The following NCKAP1 variants were observed in gnomAD, a reference collection of about 807,000 sequenced individuals.
NCKAP1 encodes the protein NCK associated protein 1, also known as nck-associated protein 1.
NCKAP1 carries 21 observed loss-of-function variants against 151.2 expected under a neutral mutation model. The observed-to-expected ratio is 0.14, with a 90% CI of 0.10 to 0.20. The LOEUF is 0.20. NCKAP1 is among the 10% of genes least tolerant of loss of function. The pLI is 1.00. For synonymous variants in NCKAP1, 484 were observed against 451.8 expected (o/e 1.07, Z -0.90); for missense variants, 933 against 1,352.1 (o/e 0.69, Z 4.86).
In NCKAP1 at chr2:183,034,739, C is replaced by A. The variant is rs564320934; in HGVS notation, c.108+3253G>T. 2.6e-5 allele frequency among the ~76,000 whole-genome samples: 4 copies of A among 152,220 alleles called. No homozygotes were observed. In the East Asian group the frequency reaches 7.7e-4, roughly 29 times the overall value. On this transcript the variant is annotated intron_variant, in intron 1 of 30. Coordinates refer to ENST00000361354, the MANE Select transcript of NCKAP1 (RefSeq NM_013436.5). ...GTATGTAGGGCAGGCATTATGCTCC[C>A]TACATTACAGAAAACTAAACTGAGT...
At chr2:183,030,970 A>G (rs541680129) in intron 1 of NCKAP1, among the ~76,000 whole-genome samples, 27 of 152,268 alleles carry the variant, frequency 1.8e-4, no homozygotes, top group African/African-American at 6.3e-4. Flanking sequence ...TTTCCCTCTT[A>G]GGTAGGTAAA....
At chr2:182,998,519 T>G (rs1698314876) in intron 6 of NCKAP1, among the ~76,000 whole-genome samples, 1 of 151,892 alleles carries the variant, frequency 6.6e-6, no homozygotes, top group South Asian at 2.1e-4. Flanking sequence ...CTAATAACAT[T>G]CAAGCTGAGG....
Position 182,911,696 on chromosome 2 carries a change from T to C in NCKAP1, c.*14006A>G, listed in dbSNP as rs576130364. 5 of 152,202 alleles carry C rather than the reference T, an allele frequency of 3.3e-5. No individual in the cohort carries two copies. The highest frequency in any genetic ancestry group is 3.3e-4 in the Admixed American group (5 of 15,284). 9.4% of individuals were successfully genotyped at this position (152,202 alleles called of 1,614,324 possible). ...CTGTTTGAGCTTTTATGTTAACACC[T>C]ATACTACTACAATGAGAAAACAGAT... is the stretch of plus-strand genomic sequence containing the variant. On this transcript the variant is annotated 3_prime_UTR_variant, in exon 31 of 31. Transcript: ENST00000361354.
intron 24 of NCKAP1, among the ~76,000 whole-genome samples, chr2:182,938,132 A>G (rs752537005): frequency 6.6e-6 from 1 of 152,220 alleles, no homozygotes; most frequent in Non-Finnish European, 1.5e-5. Context: ...TGGTGCTGTT[A>G]CATGTCCCTG....
Position 182,921,374 on chromosome 2 carries a change from A to G in NCKAP1, c.*4328T>C, listed in dbSNP as rs1050165048. 1 of 152,218 alleles carries G rather than the reference A, an allele frequency of 6.6e-6. No individual in the cohort carries two copies. The highest frequency in any genetic ancestry group is 2.4e-5 in the African/African-American group (1 of 41,456). The allele number at this position is 152,218 out of a possible 1,614,324, so 9.4% of individuals were successfully genotyped here. A position where few individuals can be genotyped will look rare whatever the true frequency, so the allele number is the denominator to read the frequency against. Reference sequence around the variant, plus strand: ...ATAATTTCAAGCCTTAGCCATTGGCATTTGGTCAGTATGTGTATGTAGTGT... The same window carrying G: ...ATAATTTCAAGCCTTAGCCATTGGCGTTTGGTCAGTATGTGTATGTAGTGT... On this transcript the variant is annotated 3_prime_UTR_variant, in exon 31 of 31. Transcript: ENST00000361354.
chr2:182,957,318 G>T, intron 19 of NCKAP1, 139 bp downstream of exon 19: 1 of 976,246 alleles, frequency 1.0e-6, no homozygotes, highest in Non-Finnish European at 1.4e-6. Flanking sequence ...GGTTAATTAA[G>T]CTCAGAAATA....
chr2:183,033,430 T>G (rs1699043286), intron 1 of NCKAP1, among the ~76,000 whole-genome samples: 1 of 152,186 alleles, frequency 6.6e-6, no homozygotes, highest in African/African-American at 2.4e-5. Context: ...CAGATTATAA[T>G]CCTTAATTCC....
At chr2:183,002,732 A>G (rs1460960514) in intron 4 of NCKAP1, among the ~76,000 whole-genome samples, 1 of 152,068 alleles carries the variant, frequency 6.6e-6, no homozygotes, top group African/African-American at 2.4e-5. Context: ...AATTGGGCCT[A>G]TTAAATAAAA....
At chr2:182,944,464 G>A (rs1003638916) in intron 23 of NCKAP1, among the ~76,000 whole-genome samples, 5 of 152,074 alleles carry the variant, frequency 3.3e-5, no homozygotes, top group Non-Finnish European at 7.4e-5. Flanking sequence ...CAGACTGGAA[G>A]GAGAAATGGA....
intron 23 of NCKAP1, among the ~76,000 whole-genome samples, chr2:182,946,343 T>C (rs1361551896): frequency 1.3e-5 from 2 of 151,436 alleles, no homozygotes; most frequent in African/African-American, 2.4e-5. Flanking sequence ...GAGCTTGCAG[T>C]GAGCCGAGAT....
intron 26 of NCKAP1, 56 bp downstream of exon 26, chr2:182,934,696 A>T: frequency 1.1e-6 from 1 of 873,340 alleles, no homozygotes; most frequent in Non-Finnish European, 1.8e-6. Flanking sequence ...TTGCATATGT[A>T]ATTTAAATAT....
chr2:182,921,086 G>A lies in NCKAP1; in HGVS notation c.*4616C>T, dbSNP rs1575006894. The A allele has an allele frequency of 1.3e-5, 2 of 152,054 alleles. No individual in the cohort carries two copies. The highest frequency in any genetic ancestry group is 4.8e-5 in the African/African-American group (2 of 41,380). 9.4% of individuals were successfully genotyped at this position (152,054 alleles called of 1,614,324 possible). On this transcript the variant is annotated 3_prime_UTR_variant, in exon 31 of 31. Transcript: ENST00000361354. ...AAACACTTTTAGTCAGTTACTAATG[G>A]AGAAAAAATAAATATAATTTGGTTG...
intron 6 of NCKAP1, 25 bp downstream of exon 6, chr2:183,001,928 C>T (rs1698381907): frequency 1.9e-6 from 3 of 1,581,238 alleles, no homozygotes; most frequent in Non-Finnish European, 1.7e-6. Context: ...CCCATTCTCT[C>T]ATATGCCTAA....
At chr2:183,034,886 G>A (rs988625612) in intron 1 of NCKAP1, among the ~76,000 whole-genome samples, 1 of 152,068 alleles carries the variant, frequency 6.6e-6, no homozygotes, top group African/African-American at 2.4e-5. Flanking sequence ...TTTTACAGAT[G>A]AGGAAAAGTG....
chr2:182,925,635 G>T lies in NCKAP1; in HGVS notation c.*67C>A. The T allele has an allele frequency of 1.2e-6, 1 of 803,716 alleles. No individual in the cohort carries two copies. Among genetic ancestry groups the T allele is most frequent in the Non-Finnish European group, 1.9e-6 (1 of 529,930 alleles). The allele number at this position is 803,716 out of a possible 1,614,324, so 49.8% of individuals were successfully genotyped here. A position where few individuals can be genotyped will look rare whatever the true frequency, so the allele number is the denominator to read the frequency against. On this transcript the variant is annotated 3_prime_UTR_variant, in exon 31 of 31. Transcript: ENST00000361354. Reference sequence around the variant, plus strand: ...CTTTTTCAGGTCTTAAGGTAAAATAGTTCCACAGTCTACAGGTAAAACCAA... The same window carrying T: ...CTTTTTCAGGTCTTAAGGTAAAATATTTCCACAGTCTACAGGTAAAACCAA...
At chr2:183,020,407 G>A (rs904146682) in intron 2 of NCKAP1, among the ~76,000 whole-genome samples, 1 of 148,544 alleles carries the variant, frequency 6.7e-6, no homozygotes, top group African/African-American at 2.5e-5. Context: ...GGAGGTTGTA[G>A]TGGGCTGAGA....
intron 2 of NCKAP1, among the ~76,000 whole-genome samples, chr2:183,013,362 C>T (rs1012349839): frequency 1.3e-5 from 2 of 152,146 alleles, no homozygotes; most frequent in African/African-American, 2.4e-5. Context: ...ACTGCACTAC[C>T]CCAAACCTAT....
Position 183,038,143 on chromosome 2 carries a change from G to A in NCKAP1, c.-44C>T. ...GCCGCCGCCGGCCGCCTCGCGCCCA[G>A]TCACGGGCCCGCGGCCTTCGCAGCA... On this transcript the variant is annotated 5_prime_UTR_variant, in exon 1 of 31. Coordinates refer to ENST00000361354, the MANE Select transcript of NCKAP1 (RefSeq NM_013436.5). The A allele has an allele frequency of 7.0e-7, 1 of 1,427,712 alleles. No individual in the cohort carries two copies. Among genetic ancestry groups the A allele is most frequent in the Non-Finnish European group, 9.3e-7 (1 of 1,073,082 alleles). The allele number at this position is 1,427,712 out of a possible 1,614,324, so 88.4% of individuals were successfully genotyped here. A position where few individuals can be genotyped will look rare whatever the true frequency, so the allele number is the denominator to read the frequency against.
chr2:182,997,456 T>C (rs900894135), intron 6 of NCKAP1, among the ~76,000 whole-genome samples: 2 of 152,228 alleles, frequency 1.3e-5, no homozygotes, highest in Non-Finnish European at 1.5e-5. Context: ...TTTTCATTTG[T>C]TTCAAAGAAT....
Sources: allele counts gnomAD v4.1 joint callset (sites outside exome capture counted in the v4.1 genomes callset), GRCh38; gene constraint gnomAD v4.1.1; transcripts MANE v1.5; gene names NCBI Gene and HGNC (gene_info 2026-07-23, HGNC 2026-07-21).